The following PLCXD2 variants were observed in gnomAD, a reference collection of about 807,000 sequenced individuals.
PLCXD2 encodes the protein PI-PLC X domain-containing protein 2.
PLCXD2 carries 21 observed loss-of-function variants against 28.6 expected under a neutral mutation model. That is an observed-to-expected ratio of 0.73 (90% CI 0.52 to 1.06). The LOEUF (loss-of-function observed/expected upper bound fraction) is 1.06. PLCXD2 is among the 50% of genes least tolerant of loss of function. The pLI is 0.00. For synonymous variants in PLCXD2, 140 were observed against 150.1 expected (o/e 0.93, Z 0.49); for missense variants, 369 against 376.7 (o/e 0.98, Z 0.17).
chr3:111,679,743 A>G (rs1253053722), intron 1 of PLCXD2, among the ~76,000 whole-genome samples: 1 of 152,220 alleles, frequency 6.6e-6, no homozygotes, highest in Non-Finnish European at 1.5e-5. Flanking sequence ...ACTAAGCCCC[A>G]TTAGAAATGA....
At chr3:111,719,052 A>G (rs1219599771) in intron 3 of PLCXD2, among the ~76,000 whole-genome samples, 2 of 152,220 alleles carry the variant, frequency 1.3e-5, no homozygotes, top group African/African-American at 4.8e-5. Flanking sequence ...TATCCATATG[A>G]AAAAAGTAAG....
intron 3 of PLCXD2, chr3:111,724,431 T>G (rs1163232372): frequency 2.0e-5 from 3 of 152,152 alleles, no homozygotes; most frequent in Non-Finnish European, 4.4e-5. Flanking sequence ...TTACATGATC[T>G]CATATTCATC....
chr3:111,700,057 C>T (rs1447938212), intron 1 of PLCXD2, among the ~76,000 whole-genome samples: 2 of 152,136 alleles, frequency 1.3e-5, no homozygotes, highest in Admixed American at 1.3e-4. Flanking sequence ...CCTGGGTATA[C>T]ATTAGAATCA....
chr3:111,703,596 A>G (rs1230127392), intron 1 of PLCXD2, among the ~76,000 whole-genome samples: 5 of 152,224 alleles, frequency 3.3e-5, no homozygotes, highest in Non-Finnish European at 7.3e-5. Context: ...GCCTTGCACT[A>G]TATTACACAC....
intron 3 of PLCXD2, among the ~76,000 whole-genome samples, chr3:111,720,394 C>G (rs1481556194): frequency 6.6e-6 from 1 of 152,068 alleles, no homozygotes; most frequent in South Asian, 2.1e-4. Context: ...CTCAGCCCCC[C>G]AAAGTGCCGG....
intron 1 of PLCXD2, among the ~76,000 whole-genome samples, chr3:111,681,957 T>C (rs768076750): frequency 6.6e-6 from 1 of 152,204 alleles, no homozygotes; most frequent in South Asian, 2.1e-4. Flanking sequence ...CAAACCACTT[T>C]GCCAATGCTG....
At chr3:111,695,479 C>A (rs1407897240) in intron 1 of PLCXD2, among the ~76,000 whole-genome samples, 2 of 152,192 alleles carry the variant, frequency 1.3e-5, no homozygotes, top group Admixed American at 1.3e-4. Flanking sequence ...TCACTGCTGT[C>A]GCACTTTGGG....
At chr3:111,723,224 C>T (rs1415200567) in intron 3 of PLCXD2, 1 of 152,174 alleles carries the variant, frequency 6.6e-6, no homozygotes, top group African/African-American at 2.4e-5. Flanking sequence ...AATTACTGTT[C>T]TCTGTTTTAT....
rs1181367031 is a variant in PLCXD2, at chr3:111,689,440, G to C, written c.163+14032G>C. On this transcript the variant is annotated intron_variant, in intron 1 of 4. Transcript: ENST00000477665. ...CATAGGGAGCCAGTGACAATTTTGG[G>C]CTTGAAGAAAACTGTGAAAGAAAGT... 2.6e-5 allele frequency among the ~76,000 whole-genome samples: 4 copies of C among 152,332 alleles called. No individual in the cohort carries two copies. In the East Asian group the frequency reaches 7.7e-4, roughly 29 times the overall value.
chr3:111,725,442 C>G, intron 3 of PLCXD2: 1 of 391,002 alleles, frequency 2.6e-6, no homozygotes, highest in Non-Finnish European at 4.5e-6. Flanking sequence ...GAAACTTTAC[C>G]CTTAATTTCA....
intron 2 of PLCXD2, among the ~76,000 whole-genome samples, chr3:111,711,265 A>G (rs1197497247): frequency 2.0e-5 from 3 of 152,142 alleles, no homozygotes; most frequent in African/African-American, 7.2e-5. Flanking sequence ...TTAGCTGGGC[A>G]TGGTGGCACA....
At position 111,714,092 on chromosome 3, in the gene PLCXD2, G is replaced by C; in HGVS notation, c.830G>C (p.Gly277Ala). ...CCCAGAGTGAAGACCATTGCCCGGG[G>C]CTTGGTTGGGGGCCTCAAGAACACG... Residue 277 changes from glycine (G) to alanine (A), a missense_variant, in exon 3 of 5, where the codon GGC (glycine) becomes GCC (alanine). Physicochemically the swap from Gly to Ala is moderately conservative, Grantham distance 60 (BLOSUM62 0). Transcript: ENST00000477665. 16 of 1,614,012 alleles carry C rather than the reference G, an allele frequency of 9.9e-6. No homozygotes were observed. The highest frequency in any genetic ancestry group is 1.4e-5 in the Non-Finnish European group (16 of 1,179,990).
intron 1 of PLCXD2, among the ~76,000 whole-genome samples, chr3:111,698,787 G>C (rs997989573): frequency 6.6e-6 from 1 of 152,174 alleles, no homozygotes; most frequent in African/African-American, 2.4e-5. Flanking sequence ...TCAGTCTAGG[G>C]TGGTGGTCTG....
In PLCXD2 at chr3:111,707,987, C is replaced by T. The variant is rs747426362; in HGVS notation, c.225C>T (p.Thr75=). The T allele has an allele frequency of 4.3e-6, 7 of 1,614,122 alleles. No individual in the cohort carries two copies. The highest frequency in any genetic ancestry group is 3.3e-5 in the South Asian group (3 of 91,074). Residue 75 remains threonine (T), a synonymous_variant, in exon 2 of 5, where the codon ACC becomes ACT. Transcript: ENST00000477665. ...AGTCCCCAGTGGGGCCTGACCAAAC[C>T]CAAGCTATCAAACGCCTCGCCAGGA...
chr3:111,699,226 T>C (rs1347098539), intron 1 of PLCXD2, among the ~76,000 whole-genome samples: 1 of 152,234 alleles, frequency 6.6e-6, no homozygotes, highest in Non-Finnish European at 1.5e-5. Flanking sequence ...CTTGTCTCAA[T>C]CTTCCCTCCA....
chr3:111,680,907 C>T (rs1940703769), intron 1 of PLCXD2, among the ~76,000 whole-genome samples: 1 of 151,982 alleles, frequency 6.6e-6, no homozygotes, highest in Admixed American at 6.6e-5. Context: ...TGCTTTCTCT[C>T]ACAAAATAAG....
intron 3 of PLCXD2, chr3:111,726,730 G>A (rs1941421031): frequency 6.6e-6 from 1 of 151,850 alleles, no homozygotes; most frequent in African/African-American, 2.4e-5. Flanking sequence ...CTTCTTTCTT[G>A]TAACTTTGAT....
chr3:111,719,701 A>G (rs1941320033), intron 3 of PLCXD2, among the ~76,000 whole-genome samples: 1 of 152,186 alleles, frequency 6.6e-6, no homozygotes, highest in Non-Finnish European at 1.5e-5. Context: ...TCTAATCTAC[A>G]GTGGAAAAAA....
intron 3 of PLCXD2, chr3:111,721,051 T>A (rs1467444456): frequency 2.6e-6 from 1 of 384,730 alleles, no homozygotes; most frequent in Non-Finnish European, 4.6e-6. Flanking sequence ...GGGCTATTAA[T>A]TGCATTTTTC....
Sources: gnomAD v4.1 joint callset for allele counts (sites outside exome capture counted in the v4.1 genomes callset) on GRCh38, gnomAD v4.1.1 for gene constraint, MANE v1.5 for transcripts, NCBI Gene and HGNC (gene_info 2026-07-23, HGNC 2026-07-21) for gene names.